CNTNAP2: variants seen among roughly 807,000 people sequenced by gnomAD.
CNTNAP2 encodes contactin associated protein 2, also known as contactin-associated protein-like 2.
CNTNAP2 carries 98 observed loss-of-function variants against 155.2 expected under a neutral mutation model. The ratio of observed to expected loss-of-function variants is 0.63; its 90% CI spans 0.54 to 0.75. The LOEUF is 0.75. CNTNAP2 is among the 30% of genes least tolerant of loss of function. The pLI, the probability that CNTNAP2 is intolerant of heterozygous loss-of-function variation, is 0.00. For synonymous variants in CNTNAP2, 651 were observed against 631.2 expected (o/e 1.03, Z -0.47); for missense variants, 1,727 against 1,688.1 (o/e 1.02, Z -0.40).
chr7:146,416,971 T>C (rs1362763187), intron 1 of CNTNAP2, among the ~76,000 whole-genome samples: 1 of 152,154 alleles, frequency 6.6e-6, no homozygotes, highest in African/African-American at 2.4e-5. Flanking sequence ...TGTGACCTTC[T>C]ATCGCCTGAT....
intron 17 of CNTNAP2, among the ~76,000 whole-genome samples, chr7:148,168,410 T>C (rs1350055739): frequency 1.3e-5 from 2 of 152,080 alleles, no homozygotes; most frequent in African/African-American, 4.8e-5. Context: ...CTGTCCTTTC[T>C]AGGGACATGG....
At chr7:148,159,207 A>G (rs997900462) in intron 17 of CNTNAP2, among the ~76,000 whole-genome samples, 1 of 152,012 alleles carries the variant, frequency 6.6e-6, no homozygotes, top group Non-Finnish European at 1.5e-5. Context: ...CATCCTGACA[A>G]TGTTCCTCTT....
chr7:147,123,488 A>C (rs537514745), intron 6 of CNTNAP2, among the ~76,000 whole-genome samples: 94 of 152,230 alleles, frequency 6.2e-4, no homozygotes, highest in Non-Finnish European at 9.7e-4. Context: ...TCTATATACA[A>C]TGTCGTGTTT....
intron 1 of CNTNAP2, among the ~76,000 whole-genome samples, chr7:146,393,273 T>C (rs1300689203): frequency 1.3e-5 from 2 of 152,182 alleles, no homozygotes; most frequent in African/African-American, 2.4e-5. Context: ...GGAAACATAA[T>C]GGCATATTCA....
chr7:148,143,232 C>T (rs938134343), intron 16 of CNTNAP2, among the ~76,000 whole-genome samples: 1 of 152,216 alleles, frequency 6.6e-6, no homozygotes, highest in African/African-American at 2.4e-5. Context: ...GGACCTCAAA[C>T]TGAGGCCTGA....
intron 1 of CNTNAP2, among the ~76,000 whole-genome samples, chr7:146,477,940 C>T (rs112649759): frequency 2.0e-5 from 3 of 152,154 alleles, no homozygotes; most frequent in Non-Finnish European, 4.4e-5. Flanking sequence ...GCACACACGG[C>T]CCCTCATAAC....
At chr7:146,645,945 A>T (rs1482041704) in intron 1 of CNTNAP2, among the ~76,000 whole-genome samples, 1 of 152,178 alleles carries the variant, frequency 6.6e-6, no homozygotes, top group East Asian at 1.9e-4. Flanking sequence ...ACTATATTTT[A>T]TCTAAAGATA....
chr7:147,691,835 T>C (rs1254630263), intron 13 of CNTNAP2, among the ~76,000 whole-genome samples: 1 of 152,174 alleles, frequency 6.6e-6, no homozygotes, highest in Non-Finnish European at 1.5e-5. Flanking sequence ...TGGCTTGATT[T>C]GTTACAATCA....
chr7:146,421,158 T>C (rs950441617), intron 1 of CNTNAP2, among the ~76,000 whole-genome samples: 1 of 152,030 alleles, frequency 6.6e-6, no homozygotes, highest in Non-Finnish European at 1.5e-5. Context: ...ATCTGTTACA[T>C]CTCCTCTTAA....
At chr7:147,371,261 A>AT (rs1796333597) in intron 9 of CNTNAP2, among the ~76,000 whole-genome samples, 3 of 152,122 alleles carry the variant, frequency 2.0e-5, no homozygotes, top group African/African-American at 7.2e-5. Context: ...ACTTTTGTAT[A>AT]TTTTTGTGGT....
intron 9 of CNTNAP2, among the ~76,000 whole-genome samples, chr7:147,317,645 C>A (rs1795255253): frequency 6.6e-6 from 1 of 152,068 alleles, no homozygotes; most frequent in Admixed American, 6.6e-5. Context: ...CAGCCCCTGG[C>A]TAAGGTCAGG....
Position 146,288,534 on chromosome 7 carries a change from A to G in CNTNAP2, c.97+171561A>G, listed in dbSNP as rs73740415. Among the ~76,000 whole-genome samples the G allele has an allele frequency of 4.3e-3, 654 of 152,114 alleles. 5 individuals are homozygous for G. Among genetic ancestry groups the G allele is most frequent in the African/African-American group, 0.015 (626 of 41,518 alleles). On this transcript the variant is annotated intron_variant, in intron 1 of 23. Coordinates refer to ENST00000361727, the MANE Select transcript of CNTNAP2 (RefSeq NM_014141.6). ...TTTTATTATAACGTTGATGAGAAAAAAAAGTGTTTTATTTTATGCCATTTT... is the reference window on the plus strand; with the variant it reads ...TTTTATTATAACGTTGATGAGAAAAGAAAGTGTTTTATTTTATGCCATTTT...
intron 23 of CNTNAP2, among the ~76,000 whole-genome samples, chr7:148,409,806 CT>C (rs1563077604): frequency 0.11 from 4,968 of 47,078 alleles, 553 homozygotes; most frequent in African/African-American, 0.14. Flanking sequence ...AATCCCAGCA[CT>C]TTGGGAGGCC....
At chr7:146,779,414 T>C (rs1802443976) in intron 2 of CNTNAP2, among the ~76,000 whole-genome samples, 1 of 152,110 alleles carries the variant, frequency 6.6e-6, no homozygotes, top group Non-Finnish European at 1.5e-5. Context: ...CAAATCCATA[T>C]CTTCTGCTGG....
In CNTNAP2 at chr7:146,831,854, A is replaced by G. The variant is rs1803519670; in HGVS notation, c.209-7857A>G. Among the ~76,000 whole-genome samples the G allele has an allele frequency of 3.9e-5, 6 of 152,036 alleles. No individual in the cohort carries two copies. In the South Asian group the frequency reaches 1.2e-3, roughly 31 times the overall value. On this transcript the variant is annotated intron_variant, in intron 2 of 23. Transcript: ENST00000361727. ...AAACAGTACTATTTTCCTGTCATTA[A>G]ATAATATCTGATAGTATTATATCTT...
At chr7:146,295,713 T>C (rs1333237313) in intron 1 of CNTNAP2, among the ~76,000 whole-genome samples, 2 of 151,958 alleles carry the variant, frequency 1.3e-5, no homozygotes, top group African/African-American at 4.8e-5. Flanking sequence ...TCTAGCTCAA[T>C]TGTTCCCATT....
intron 8 of CNTNAP2, among the ~76,000 whole-genome samples, chr7:147,183,000 T>C (rs562679336): frequency 2.0e-5 from 3 of 152,292 alleles, no homozygotes; most frequent in African/African-American, 7.2e-5. Context: ...TCATCAATGA[T>C]TCATTTTAAT....
chr7:147,623,971 C>T (rs191719422), intron 12 of CNTNAP2, among the ~76,000 whole-genome samples: 50 of 152,100 alleles, frequency 3.3e-4, no homozygotes, highest in African/African-American at 9.1e-4. Flanking sequence ...ACAGCTACAG[C>T]GAATTCATTT....
intron 20 of CNTNAP2, among the ~76,000 whole-genome samples, chr7:148,252,764 G>C (rs1796385725): frequency 6.6e-6 from 1 of 151,994 alleles, no homozygotes; most frequent in African/African-American, 2.4e-5. Flanking sequence ...GATTTCTCCT[G>C]ATTCATGCTC....
Sources: gnomAD v4.1 joint callset for allele counts (sites outside exome capture counted in the v4.1 genomes callset) on GRCh38, gnomAD v4.1.1 for gene constraint, MANE v1.5 for transcripts, NCBI Gene and HGNC (gene_info 2026-07-23, HGNC 2026-07-21) for gene names.